Variants in PRRX1 observed in about 807,000 individuals in gnomAD.
PRRX1 encodes the protein paired related homeobox 1.
PRRX1 carries 8 observed loss-of-function variants against 24.0 expected under a neutral mutation model. The ratio of observed to expected loss-of-function variants is 0.33; its 90% CI spans 0.20 to 0.60. The LOEUF is 0.60. Ranked by LOEUF, PRRX1 falls within the 20% of genes least tolerant of loss-of-function variation. The pLI, the probability that PRRX1 is intolerant of heterozygous loss-of-function variation, is 0.82. For synonymous variants in PRRX1, 160 were observed against 131.7 expected (o/e 1.22, Z -1.47); for missense variants, 281 against 322.4 (o/e 0.87, Z 0.98).
At position 170,737,300 on chromosome 1, in the gene PRRX1, T is replaced by C. The variant is rs998507960; in HGVS notation, c.*1114T>C. The C allele has an allele frequency of 1.1e-5, 2 of 187,488 alleles. No individual in the cohort carries two copies. Among genetic ancestry groups the C allele is most frequent in the Non-Finnish European group, 2.3e-5 (2 of 88,702 alleles). 11.6% of individuals were successfully genotyped at this position (187,488 alleles called of 1,614,324 possible). The stretch of plus-strand genomic sequence containing the variant: ...TTAATTAGGGATCTTGCTGCTTTTC[T>C]TTTTCTACACGAAGTTTTCATTAAA... On this transcript the variant is annotated 3_prime_UTR_variant, in exon 4 of 4. Transcript: ENST00000239461.
chr1:170,724,178 C>G (rs558563962), intron 2 of PRRX1, among the ~76,000 whole-genome samples: 1 of 152,200 alleles, frequency 6.6e-6, no homozygotes, highest in East Asian at 1.9e-4. Flanking sequence ...CTTGTAGATT[C>G]TGGATATTAG....
At chr1:170,724,795 T>C (rs1478708062) in intron 2 of PRRX1, among the ~76,000 whole-genome samples, 1 of 152,214 alleles carries the variant, frequency 6.6e-6, no homozygotes, top group East Asian at 1.9e-4. Flanking sequence ...AATTTTAAAG[T>C]AGATTTTTCT....
intron 1 of PRRX1, among the ~76,000 whole-genome samples, chr1:170,702,338 T>C (rs1323972546): frequency 6.6e-6 from 1 of 152,134 alleles, no homozygotes; most frequent in Non-Finnish European, 1.5e-5. Flanking sequence ...CTTATCTAGC[T>C]GTAATTTTGT....
chr1:170,727,384 G>A (rs1655289978), intron 3 of PRRX1: 1 of 152,128 alleles, frequency 6.6e-6, no homozygotes, highest in African/African-American at 2.4e-5. Context: ...CCAAGCCTAC[G>A]TGTTCTCCCT....
At chr1:170,692,910 T>A (rs1292020883) in intron 1 of PRRX1, among the ~76,000 whole-genome samples, 1 of 152,160 alleles carries the variant, frequency 6.6e-6, no homozygotes, top group Non-Finnish European at 1.5e-5. Flanking sequence ...CCTAATCCTA[T>A]ATATATGCCA....
At chr1:170,698,587 A>G (rs543956452) in intron 1 of PRRX1, among the ~76,000 whole-genome samples, 17 of 152,304 alleles carry the variant, frequency 1.1e-4, no homozygotes, top group African/African-American at 3.4e-4. Context: ...AGCCTTGCAA[A>G]GCAGCTGAGA....
upstream of PRRX1, chr1:170,664,116 C>G (rs940490518): frequency 4.3e-6 from 3 of 697,612 alleles, no homozygotes; most frequent in East Asian, 3.4e-5. Flanking sequence ...TCCACTACCC[C>G]CCTCTTTCTT....
intron 1 of PRRX1, among the ~76,000 whole-genome samples, chr1:170,693,295 T>C (rs1419178213): frequency 6.6e-6 from 1 of 151,992 alleles, no homozygotes; most frequent in African/African-American, 2.4e-5. Context: ...AAATATACTA[T>C]AAAGAGTGGA....
At chr1:170,730,236 C>G in intron 3 of PRRX1, 2 of 1,503,176 alleles carry the variant, frequency 1.3e-6, no homozygotes, top group Non-Finnish European at 1.9e-6. Context: ...ATCTGCTGAA[C>G]GCATTTGGCT....
intron 1 of PRRX1, among the ~76,000 whole-genome samples, chr1:170,713,085 T>G (rs1654799528): frequency 6.6e-6 from 1 of 152,202 alleles, no homozygotes; most frequent in South Asian, 2.1e-4. Flanking sequence ...AATACATTAT[T>G]GTTATTCGTA....
rs1655355703 is a variant in PRRX1 at position 170,729,332 on chromosome 1, A to C, written c.599+2931A>C. Reference sequence around the variant, plus strand: ...GGACCTCATCCCATTGGACTGATAGACGTGGCTTGGTCATACAAGCCAGAG... The same window carrying C: ...GGACCTCATCCCATTGGACTGATAGCCGTGGCTTGGTCATACAAGCCAGAG... On this transcript the variant is annotated intron_variant, in intron 3 of 3. Transcript: ENST00000239461. 2.0e-5 allele frequency among the ~76,000 whole-genome samples: 3 copies of C among 152,222 alleles called. 1 individual carries two copies. In the South Asian group the frequency reaches 6.2e-4, roughly 32 times the overall value.
chr1:170,681,462 T>C (rs1653502748), intron 1 of PRRX1, among the ~76,000 whole-genome samples: 1 of 149,560 alleles, frequency 6.7e-6, no homozygotes, highest in Non-Finnish European at 1.5e-5. Flanking sequence ...AAATTAAAAC[T>C]GCAGATAATC....
Position 170,737,780 on chromosome 1 carries a change from AT to A in PRRX1, c.*1597del. ...TACCATGCTGTGCCTCAGTTTACCC[AT>A]TTGTAAAATGGGATTAATAATACTT... is the stretch of plus-strand genomic sequence containing the variant. On this transcript the variant is annotated 3_prime_UTR_variant, in exon 4 of 4. Coordinates refer to ENST00000239461, the MANE Select transcript of PRRX1 (RefSeq NM_022716.4). 1 of 220,460 alleles carries A rather than the reference AT, an allele frequency of 4.5e-6. No individual in the cohort carries two copies. The highest frequency in any genetic ancestry group is 2.2e-5 in the African/African-American group (1 of 44,668). 13.7% of individuals were successfully genotyped at this position (220,460 alleles called of 1,614,324 possible). A position where few individuals can be genotyped will look rare whatever the true frequency, so the allele number is the denominator to read the frequency against.
intron 1 of PRRX1, among the ~76,000 whole-genome samples, chr1:170,679,566 A>C (rs1310108934): frequency 1.3e-5 from 2 of 151,950 alleles, no homozygotes; most frequent in Non-Finnish European, 2.9e-5. Flanking sequence ...CACCTGGCTA[A>C]TTTTTTGTAT....
chr1:170,671,570 C>T (rs544073689), intron 1 of PRRX1, among the ~76,000 whole-genome samples: 1 of 152,348 alleles, frequency 6.6e-6, no homozygotes, highest in Admixed American at 6.5e-5. Flanking sequence ...CCTATCCTGC[C>T]TTCAAAAATT....
intron 1 of PRRX1, among the ~76,000 whole-genome samples, chr1:170,679,043 T>C (rs1653416353): frequency 1.3e-5 from 2 of 152,204 alleles, no homozygotes; most frequent in Admixed American, 1.3e-4. Flanking sequence ...CAATTGGTAT[T>C]GAATAATATT....
intron 3 of PRRX1, among the ~76,000 whole-genome samples, chr1:170,735,770 A>T (rs1181576125): frequency 3.3e-5 from 5 of 152,132 alleles, no homozygotes; most frequent in Non-Finnish European, 7.3e-5. Context: ...TCACCCCAGA[A>T]ATAAATCATT....
At chr1:170,711,157 A>G (rs924248588) in intron 1 of PRRX1, among the ~76,000 whole-genome samples, 4 of 152,200 alleles carry the variant, frequency 2.6e-5, no homozygotes, top group Non-Finnish European at 4.4e-5. Flanking sequence ...CCATTTTAGC[A>G]TGTTTTCATC....
At chr1:170,691,914 C>T (rs1048600545) in intron 1 of PRRX1, among the ~76,000 whole-genome samples, 2 of 152,022 alleles carry the variant, frequency 1.3e-5, no homozygotes, top group African/African-American at 4.8e-5. Flanking sequence ...AAGCAGTGTT[C>T]TCTAAGCCTG....
Sources: gnomAD v4.1 joint callset for allele counts (sites outside exome capture counted in the v4.1 genomes callset) on GRCh38, gnomAD v4.1.1 for gene constraint, MANE v1.5 for transcripts, NCBI Gene and HGNC (gene_info 2026-07-23, HGNC 2026-07-21) for gene names.